The following POFUT3 variants were observed in gnomAD, a reference collection of about 807,000 sequenced individuals.
POFUT3 encodes protein O-fucosyltransferase 3.
At chr8:33,360,471 A>AAAAT in the POFUT3 span, among the ~76,000 whole-genome samples, 51,845 of 150,632 alleles carry the variant, frequency 0.34, 11,222 homozygotes, top group African/African-American at 0.58. Context: ...AAATAAAAAT[A>AAAAT]AAATAAATAA....
the POFUT3 span, chr8:33,372,341 G>A: frequency 2.1e-5 from 27 of 1,280,882 alleles, no homozygotes; most frequent in Non-Finnish European, 2.7e-5. Context: ...ACACGGACAT[G>A]GAAGATAACC....
the POFUT3 span, among the ~76,000 whole-genome samples, chr8:33,447,733 C>CA: frequency 6.6e-6 from 1 of 152,138 alleles, no homozygotes; most frequent in Non-Finnish European, 1.5e-5. Flanking sequence ...AAAATGTTTG[C>CA]AAAAGCTTCC....
chr8:33,313,675 T>C, the POFUT3 span, among the ~76,000 whole-genome samples: 1 of 152,162 alleles, frequency 6.6e-6, no homozygotes, highest in East Asian at 1.9e-4. Context: ...TTATTCTGCA[T>C]ACTTTCTTTC....
the POFUT3 span, among the ~76,000 whole-genome samples, chr8:33,407,084 C>A: frequency 6.6e-6 from 1 of 152,118 alleles, no homozygotes; most frequent in Non-Finnish European, 1.5e-5. Flanking sequence ...CCCTTGGAAT[C>A]CTACCTGCTT....
At chr8:33,338,683 T>A in the POFUT3 span, among the ~76,000 whole-genome samples, 1 of 152,246 alleles carries the variant, frequency 6.6e-6, no homozygotes, top group African/African-American at 2.4e-5. Context: ...AAGCTGAACT[T>A]CCACAGACAC....
chr8:33,408,214 T>C, the POFUT3 span, among the ~76,000 whole-genome samples: 2 of 151,392 alleles, frequency 1.3e-5, no homozygotes, highest in Admixed American at 1.3e-4. Flanking sequence ...TAGTCCCAGC[T>C]ACTTGGAGGC....
chr8:33,404,515 G>A, the POFUT3 span, among the ~76,000 whole-genome samples: 3 of 152,286 alleles, frequency 2.0e-5, no homozygotes, highest in Middle Eastern at 3.4e-3. Flanking sequence ...AAATGGCAGA[G>A]TAAAAGGACA....
chr8:33,414,663 C>G, the POFUT3 span, among the ~76,000 whole-genome samples: 1 of 152,172 alleles, frequency 6.6e-6, no homozygotes, highest in African/African-American at 2.4e-5. Context: ...GCTTTTCCGT[C>G]TCCCCTACAC....
the POFUT3 span, among the ~76,000 whole-genome samples, chr8:33,425,238 G>A: frequency 6.6e-6 from 1 of 152,092 alleles, no homozygotes; most frequent in African/African-American, 2.4e-5. Context: ...GGAAGCTGAG[G>A]CAGGAGGATT....
At chr8:33,415,113 C>T in the POFUT3 span, among the ~76,000 whole-genome samples, 2 of 151,750 alleles carry the variant, frequency 1.3e-5, no homozygotes, top group Non-Finnish European at 2.9e-5. Context: ...AATACAAAAA[C>T]TAGCTGGCTG....
chr8:33,461,243 A>G, the POFUT3 span: 8 of 874,110 alleles, frequency 9.2e-6, no homozygotes, highest in African/African-American at 6.8e-5. Context: ...GGAAGGAAGG[A>G]ACCAACCCTG....
At chr8:33,451,340 A>G in the POFUT3 span, among the ~76,000 whole-genome samples, 1 of 152,058 alleles carries the variant, frequency 6.6e-6, no homozygotes, top group Non-Finnish European at 1.5e-5. Context: ...AGGATGCTCA[A>G]TCTGTATATG....
chr8:33,439,348 A>G, the POFUT3 span, among the ~76,000 whole-genome samples: 1 of 152,024 alleles, frequency 6.6e-6, no homozygotes, highest in East Asian at 1.9e-4. Flanking sequence ...GGTTGCAGTG[A>G]GCCGAGATCA....
At chr8:33,390,972 A>T in the POFUT3 span, among the ~76,000 whole-genome samples, 1 of 152,252 alleles carries the variant, frequency 6.6e-6, no homozygotes, top group Non-Finnish European at 1.5e-5. Context: ...CACAATAGGT[A>T]ATATACAATT....
the POFUT3 span, among the ~76,000 whole-genome samples, chr8:33,349,796 C>T: frequency 3.1e-4 from 47 of 152,258 alleles, 1 homozygote; most frequent in African/African-American, 1.0e-3. Context: ...TGGGCAGATA[C>T]CCAATAGCGG....
the POFUT3 span, among the ~76,000 whole-genome samples, chr8:33,324,359 G>C: frequency 6.6e-6 from 1 of 151,932 alleles, no homozygotes; most frequent in Admixed American, 6.6e-5. Flanking sequence ...AGTTTTTCAG[G>C]GTCTGCCTCG....
the POFUT3 span, among the ~76,000 whole-genome samples, chr8:33,466,293 G>T: frequency 7.2e-5 from 11 of 152,154 alleles, no homozygotes; most frequent in Non-Finnish European, 1.6e-4. Flanking sequence ...GCTGGGCATG[G>T]TGGTGCATGT....
At chr8:33,468,375 C>G in the POFUT3 span, among the ~76,000 whole-genome samples, 5 of 152,084 alleles carry the variant, frequency 3.3e-5, no homozygotes, top group Non-Finnish European at 5.9e-5. Flanking sequence ...TTGCCCATTT[C>G]TGCTCTGGTA....
chr8:33,460,789 G>T, the POFUT3 span: 2 of 982,662 alleles, frequency 2.0e-6, no homozygotes, highest in Middle Eastern at 5.2e-4. Flanking sequence ...AAAAAGGGGG[G>T]CAGGGGGTGA....
Sources: allele counts gnomAD v4.1 joint callset (sites outside exome capture counted in the v4.1 genomes callset), GRCh38; gene constraint gnomAD v4.1.1; transcripts MANE v1.5; gene names NCBI Gene and HGNC (gene_info 2026-07-23, HGNC 2026-07-21).